The following ZNF821 variants were observed in gnomAD, a reference collection of about 807,000 sequenced individuals.
ZNF821 encodes the protein zinc finger protein 821.
Under a neutral mutation model 44.3 loss-of-function variants are expected in ZNF821, and 16 were observed. That is an observed-to-expected ratio of 0.36 (90% CI 0.24 to 0.55). The LOEUF is 0.55. ZNF821 is among the 20% of genes least tolerant of loss of function. The pLI is 0.86. For synonymous variants in ZNF821, 204 were observed against 197.6 expected, an observed-to-expected ratio of 1.03 and a Z score of -0.27; for missense variants, 436 against 547.6, an observed-to-expected ratio of 0.80 and a Z score of 2.03.
chr16:71,894,892 G>A (rs1045117464), exon 1 of ZNF821: 11 of 1,408,424 alleles, frequency 7.8e-6, no homozygotes, highest in Non-Finnish European at 9.7e-6. Flanking sequence ...TGAATACCGA[G>A]ATAAATTAGG....
chr16:71,860,711 T>C lies in ZNF821; in HGVS notation c.585-39A>G, dbSNP rs1171655701. 4 of 1,588,956 alleles carry C rather than the reference T, an allele frequency of 2.5e-6. No homozygotes were observed. The highest frequency in any genetic ancestry group is 2.3e-5 in the South Asian group (2 of 88,456). Reference sequence around the variant, plus strand: ...ATTTTGGATGGTTAGTGTTTCCTTCTAGCAAGAGTCGGGACTCCAGCCCTG... The same window carrying C: ...ATTTTGGATGGTTAGTGTTTCCTTCCAGCAAGAGTCGGGACTCCAGCCCTG... On this transcript the variant is annotated intron_variant, in intron 7 of 7. Coordinates refer to ENST00000425432, the MANE Select transcript of ZNF821 (RefSeq NM_001201552.2). The surrounding 1 kb of genome is among the most constrained non-coding windows in gnomAD (Gnocchi z 7.3).
At chr16:71,872,673 G>A (rs866324362) in intron 3 of ZNF821, among the ~76,000 whole-genome samples, 62 of 152,328 alleles carry the variant, frequency 4.1e-4, no homozygotes, top group African/African-American at 1.5e-3. Flanking sequence ...AGTATTGGGA[G>A]TGAGGAGCTT....
At chr16:71,893,360 A>G (rs1372230970) in intron 1 of ZNF821, among the ~76,000 whole-genome samples, 1 of 144,802 alleles carries the variant, frequency 6.9e-6, no homozygotes, top group African/African-American at 2.6e-5. Context: ...ATGGGGTTTC[A>G]CCATGTGGCC....
chr16:71,892,178 C>CAAAA (rs560376648), intron 1 of ZNF821, among the ~76,000 whole-genome samples: 761 of 31,862 alleles, frequency 0.024, 154 homozygotes, highest in African/African-American at 0.041. Flanking sequence ...AACTCCGTCT[C>CAAAA]AAAAAAAAAA....
chr16:71,881,289 C>T (rs958062608), intron 2 of ZNF821: 4 of 152,198 alleles, frequency 2.6e-5, no homozygotes, highest in Admixed American at 1.3e-4. Flanking sequence ...GGACCTCAAA[C>T]CTATAATCAG....
chr16:71,871,722 T>TA (rs1475458811), intron 3 of ZNF821, among the ~76,000 whole-genome samples: 1 of 152,158 alleles, frequency 6.6e-6, no homozygotes, highest in African/African-American at 2.4e-5. Context: ...ATTTGTCTAT[T>TA]AATAGCTAAG....
upstream of ZNF821, among the ~76,000 whole-genome samples, chr16:71,888,288 A>G (rs919790517): frequency 5.9e-5 from 9 of 152,088 alleles, no homozygotes; most frequent in African/African-American, 1.9e-4. Flanking sequence ...ATTTATATGA[A>G]GTCTAATTTA....
upstream of ZNF821, among the ~76,000 whole-genome samples, chr16:71,886,018 C>G (rs1271332999): frequency 6.6e-6 from 1 of 152,166 alleles, no homozygotes; most frequent in East Asian, 1.9e-4. Flanking sequence ...ACTTAGTTGA[C>G]ATTTTCAACA....
At chr16:71,870,186 T>C (rs1480165584) in intron 3 of ZNF821, among the ~76,000 whole-genome samples, 1 of 152,186 alleles carries the variant, frequency 6.6e-6, no homozygotes, top group East Asian at 1.9e-4. Context: ...TTATCATGCT[T>C]GGATTACAGT....
intron 3 of ZNF821, among the ~76,000 whole-genome samples, chr16:71,877,260 G>C (rs1400186279): frequency 6.6e-6 from 1 of 151,830 alleles, no homozygotes; most frequent in Non-Finnish European, 1.5e-5. Flanking sequence ...ATAGTTTTTT[G>C]GTTTTTGTTT....
upstream of ZNF821, chr16:71,884,947 T>C (rs1357591530): frequency 7.0e-6 from 1 of 143,284 alleles, no homozygotes; most frequent in Non-Finnish European, 1.5e-5. Context: ...AACCTGCGCC[T>C]CCCAGGTTCA....
chr16:71,885,723 T>C (rs2036826736), upstream of ZNF821, among the ~76,000 whole-genome samples: 1 of 152,238 alleles, frequency 6.6e-6, no homozygotes, highest in South Asian at 2.1e-4. Flanking sequence ...AATTCTGTGA[T>C]AAATAGCTCA....
At chr16:71,875,010 G>GT (rs2142428713) in intron 3 of ZNF821, among the ~76,000 whole-genome samples, 1 of 152,306 alleles carries the variant, frequency 6.6e-6, no homozygotes, top group South Asian at 2.1e-4. Flanking sequence ...CAAGCTTAGT[G>GT]TATCACCTGA....
upstream of ZNF821, among the ~76,000 whole-genome samples, chr16:71,886,936 GTCTGGCTTTTGTCACTTAA>G (rs1367235576): frequency 1.3e-5 from 2 of 152,226 alleles, no homozygotes; most frequent in Non-Finnish European, 2.9e-5. Flanking sequence ...GACCTCTCGT[GTCTGGCTTTTGTCACTTAA>G]TCTGGCTTTT....
Position 71,867,911 on chromosome 16 carries a change from C to G in ZNF821, c.166+1G>C. ...TCATTACCAGAAGGTGCAGAACTCA[C>G]TGCTACTGGAGTCCTGATCTCTTAG... On this transcript the variant is annotated splice_donor_variant, in intron 4 of 7. Transcript: ENST00000425432. LOFTEE classifies it high-confidence loss of function. 1 of 1,535,888 alleles carries G rather than the reference C, an allele frequency of 6.5e-7. No individual in the cohort carries two copies. Among genetic ancestry groups the G allele is most frequent in the South Asian group, 1.2e-5 (1 of 84,012 alleles).
intron 3 of ZNF821, among the ~76,000 whole-genome samples, chr16:71,869,338 A>C (rs2034917818): frequency 6.6e-6 from 1 of 152,168 alleles, no homozygotes; most frequent in African/African-American, 2.4e-5. Context: ...TGGTGAGCTG[A>C]CCTGCACTCC....
chr16:71,886,192 GTGT>G (rs770256412), upstream of ZNF821, among the ~76,000 whole-genome samples: 1 of 152,096 alleles, frequency 6.6e-6, no homozygotes. Flanking sequence ...TTTCTCAGAG[GTGT>G]TGTGATTCAA....
chr16:71,895,168 C>G (rs2036936144), exon 1 of ZNF821: 1 of 247,826 alleles, frequency 4.0e-6, no homozygotes, highest in Non-Finnish European at 8.0e-6. Context: ...AGAGGCGGTA[C>G]TGGCAGCCGG....
intron 6 of ZNF821, 152 bp from the exon 7 acceptor site, chr16:71,862,094 C>T (rs2033965615): frequency 1.1e-6 from 1 of 875,648 alleles, no homozygotes; most frequent in East Asian, 2.7e-5. Context: ...AAGTCAGTCT[C>T]TTACATTAGA....
Sources: gnomAD v4.1 joint callset for allele counts (sites outside exome capture counted in the v4.1 genomes callset) on GRCh38, gnomAD v4.1.1 for gene constraint, Gnocchi (gnomAD v3.1) non-coding constraint, MANE v1.5 for transcripts, NCBI Gene and HGNC (gene_info 2026-07-23, HGNC 2026-07-21) for gene names.